Variants in CMYA5 observed in about 807,000 individuals in gnomAD.
CMYA5 encodes the protein cardiomyopathy-associated protein 5.
A neutral mutation model predicts 318.9 loss-of-function variants in CMYA5; 246 were observed. The observed-to-expected ratio is 0.77, with a 90% CI of 0.70 to 0.86. The LOEUF is 0.86. Ranked by LOEUF, CMYA5 falls within the 40% of genes least tolerant of loss-of-function variation. The probability of loss-of-function intolerance (pLI) is 0.00; values close to 1 mark genes in which losing one functional copy is unlikely to be tolerated. For synonymous variants in CMYA5, 1,641 were observed against 1,729.5 expected (o/e 0.95, Z 1.27); for missense variants, 4,589 against 4,678.2 (o/e 0.98, Z 0.56).
In CMYA5 at chr5:79,739,274, G is replaced by A. The variant is rs529970250; in HGVS notation, c.10509G>A (p.Glu3503=). 7 of 1,610,506 alleles carry A rather than the reference G, an allele frequency of 4.3e-6. No individual in the cohort carries two copies. The highest frequency in any genetic ancestry group is 3.3e-4 in the Middle Eastern group (2 of 6,078). The change falls in exon 2 of 13, where the codon GAG becomes GAA. Residue 3503 remains glutamate (E), a synonymous_variant. Coordinates refer to ENST00000446378, the MANE Select transcript of CMYA5 (RefSeq NM_153610.5). ...TAGTAACTGAAAAGGCACAAAAAGAGCTGAAAAAGTCCCAGATTGACACAT... is the reference window on the plus strand; with the variant it reads ...TAGTAACTGAAAAGGCACAAAAAGAACTGAAAAAGTCCCAGATTGACACAT... ...SEVVTEKAQK[E]LKKSQIDTYC...
rs1828135705 is a variant in CMYA5 at position 79,738,457 on chromosome 5, A to T, written c.9692A>T (p.Asp3231Val). 1 of 1,613,770 alleles carries T rather than the reference A, an allele frequency of 6.2e-7. No homozygotes were observed. Among genetic ancestry groups the T allele is most frequent in the Non-Finnish European group, 8.5e-7 (1 of 1,179,854 alleles). Reference sequence around the variant, plus strand: ...TTTCCCAGCAGAAATTCTGACACTGATGATGGAACAGGAATATATTTTGAG... The same window carrying T: ...TTTCCCAGCAGAAATTCTGACACTGTTGATGGAACAGGAATATATTTTGAG... ...ASFPSRNSDT[D>V]DGTGIYFEKY... The change falls in exon 2 of 13, where the codon GAT becomes GTT. Residue 3231 changes from aspartate (D) to valine (V), a missense_variant. Physicochemically the swap from Asp to Val is radical, Grantham distance 152 (BLOSUM62 -3). Transcript: ENST00000446378.
chr5:79,789,157 C>A, intron 10 of CMYA5, 53 bp downstream of exon 10: 2 of 1,603,312 alleles, frequency 1.2e-6, no homozygotes, highest in Non-Finnish European at 1.7e-6. Context: ...TCTTCCCTTC[C>A]ACCCCTCAGA....
At chr5:79,722,068 A>G (rs537966521) in intron 1 of CMYA5, among the ~76,000 whole-genome samples, 2 of 152,362 alleles carry the variant, frequency 1.3e-5, no homozygotes, top group East Asian at 3.9e-4. Context: ...CCATATAGCC[A>G]TGAAGTTTCA....
At chr5:79,709,446 A>G (rs1471857270) in intron 1 of CMYA5, among the ~76,000 whole-genome samples, 1 of 152,120 alleles carries the variant, frequency 6.6e-6, no homozygotes, top group African/African-American at 2.4e-5. Context: ...AAGTTGTGGA[A>G]CTGCAGTGAT....
chr5:79,712,674 T>A, intron 1 of CMYA5, among the ~76,000 whole-genome samples: 1 of 152,328 alleles, frequency 6.6e-6, no homozygotes, highest in South Asian at 2.1e-4. Flanking sequence ...AAGGGCTCTT[T>A]CTCTGTTGCA....
Position 79,735,602 on chromosome 5 carries a change from A to C in CMYA5, c.6837A>C (p.Lys2279Asn), listed in dbSNP as rs1828042001. The change falls in exon 2 of 13, where the codon AAA becomes AAC. Residue 2279 changes from lysine to asparagine, a missense_variant. By Grantham distance (94) the Lys-to-Asn change is moderately conservative. This residue lies in a region of CMYA5 where 2,431 missense variants were observed against 2,495.1 expected (regional missense o/e 0.97). Coordinates refer to ENST00000446378, the MANE Select transcript of CMYA5 (RefSeq NM_153610.5). Reference protein sequence around the residue: ...LSNVEDLQQPKFISEVSREDY... With the variant: ...LSNVEDLQQPNFISEVSREDY... Reference sequence around the variant, plus strand: ...ATGTAGAAGATTTACAACAGCCAAAATTCATTTCTGAGGTGTCTAGGGAAG... The same window carrying C: ...ATGTAGAAGATTTACAACAGCCAAACTTCATTTCTGAGGTGTCTAGGGAAG... The C allele has an allele frequency of 6.2e-7, 1 of 1,613,470 alleles. No individual in the cohort carries two copies. Among genetic ancestry groups the C allele is most frequent in the African/African-American group, 1.3e-5 (1 of 74,868 alleles).
rs200127943 is a variant in CMYA5, at chr5:79,736,517, A to G, written c.7752A>G (p.Gln2584=). 6.2e-6 allele frequency: 10 copies of G among 1,613,354 alleles called. No individual in the cohort carries two copies. The East Asian group carries it at 1.8e-4, about 29-fold the overall frequency. The part of the protein sequence containing the change: ...ISLGHSLGET[Q]SFSLVKATSV... ...TAGGTCATTCTTTGGGTGAAACTCA[A>G]TCATTTTCATTAGTTAAAGCTACAT... is the stretch of plus-strand genomic sequence containing the variant. Residue 2584 remains glutamine, a synonymous_variant, in exon 2 of 13, where the codon CAA becomes CAG. Transcript: ENST00000446378.
rs781673622 is a variant in CMYA5 at position 79,735,757 on chromosome 5, A to G, written c.6992A>G (p.Glu2331Gly). The G allele has an allele frequency of 1.9e-6, 3 of 1,577,680 alleles. No individual in the cohort carries two copies. The highest frequency in any genetic ancestry group is 4.5e-5 in the East Asian group (2 of 44,774). ...SLIGEKLVME[E>G]AKTIVPPHVT... ...ATCGGTGAGAAATTGGTTATGGAAG[A>G]AGCCAAAACTATTGTTCCTCCTCAT... The change falls in exon 2 of 13, where the codon GAA (glutamate) becomes GGA (glycine). Residue 2331 changes from glutamate (E) to glycine (G), a missense_variant. Glu to Gly is a moderately conservative substitution (Grantham distance 98, BLOSUM62 -2). Transcript: ENST00000446378.
chr5:79,769,157 G>A lies in CMYA5; in HGVS notation c.11555+5948G>A, dbSNP rs375575728. On this transcript the variant is annotated intron_variant, in intron 9 of 12. Transcript: ENST00000446378. ...TTTTCAGGTCCATTAGGTCATTTAT[G>A]TTCTTCTCTAAACTGGTTATTCTAG... 7.2e-5 allele frequency among the ~76,000 whole-genome samples: 11 copies of A among 152,026 alleles called. No individual in the cohort carries two copies. In the East Asian group the frequency reaches 7.8e-4, roughly 11 times the overall value.
chr5:79,750,237 G>T (rs145597929), intron 5 of CMYA5, among the ~76,000 whole-genome samples: 12 of 150,744 alleles, frequency 8.0e-5, no homozygotes, highest in African/African-American at 2.9e-4. Flanking sequence ...GTGAAGAGAT[G>T]ATGTAAACTT....
chr5:79,711,126 GT>G (rs1255522005), intron 1 of CMYA5, among the ~76,000 whole-genome samples: 3 of 151,928 alleles, frequency 2.0e-5, no homozygotes, highest in African/African-American at 4.8e-5. Flanking sequence ...TAATCTCTTT[GT>G]TTTTTCCCCC....
At chr5:79,789,148 C>G in intron 10 of CMYA5, 44 bp downstream of exon 10, 1 of 1,608,678 alleles carries the variant, frequency 6.2e-7, no homozygotes, top group Non-Finnish European at 8.5e-7. Context: ...CAAGCTATTT[C>G]TTCCCTTCCA....
intron 1 of CMYA5, among the ~76,000 whole-genome samples, chr5:79,713,435 A>G (rs193091439): frequency 2.0e-5 from 3 of 152,094 alleles, no homozygotes; most frequent in Non-Finnish European, 4.4e-5. Flanking sequence ...TCACTAAGCT[A>G]TGTAACAATG....
chr5:79,736,046 C>T lies in CMYA5; in HGVS notation c.7281C>T (p.Asp2427=). Residue 2427 remains aspartate (D), a synonymous_variant, in exon 2 of 13, where the codon GAC becomes GAT. Coordinates refer to ENST00000446378, the MANE Select transcript of CMYA5 (RefSeq NM_153610.5). ...SKGSLIDFSE[D]RLKKEMQNPT... is the part of the protein sequence containing the mutation. ...GCAGTTTAATTGATTTCAGTGAAGA[C>T]AGACTCAAGAAAGAAATGCAAAATC... is the stretch of plus-strand genomic sequence containing the variant. 1 of 1,612,416 alleles carries T rather than the reference C, an allele frequency of 6.2e-7. No individual in the cohort carries two copies. The highest frequency in any genetic ancestry group is 8.5e-7 in the Non-Finnish European group (1 of 1,179,512).
In CMYA5 at chr5:79,736,303, T is replaced by C. The variant is rs577299570; in HGVS notation, c.7538T>C (p.Met2513Thr). The C allele has an allele frequency of 1.2e-6, 2 of 1,613,584 alleles. No homozygotes were observed. The highest frequency in any genetic ancestry group is 2.7e-5 in the African/African-American group (2 of 75,004). The change falls in exon 2 of 13, where the codon ATG becomes ACG. Residue 2513 changes from methionine to threonine, a missense_variant. Around this residue, in one of 3 missense-constraint regions of CMYA5, gnomAD observed 2,431 missense variants for 2,495.1 expected, o/e 0.97. Transcript: ENST00000446378. ...CTGAAAGAATCAAAAGCCGATGCTA[T>C]GCCACAGCACTTCTATCAAAATGAA... is the stretch of plus-strand genomic sequence containing the variant. ...TELKESKADA[M>T]PQHFYQNEDY... is the part of the protein sequence containing the mutation.
At position 79,732,024 on chromosome 5, in the gene CMYA5, T is replaced by A; in HGVS notation, c.3259T>A (p.Ser1087Thr). The A allele has an allele frequency of 6.2e-7, 1 of 1,613,936 alleles. No individual in the cohort carries two copies. The highest frequency in any genetic ancestry group is 1.1e-5 in the South Asian group (1 of 91,078). Residue 1087 changes from serine (S) to threonine (T), a missense_variant, in exon 2 of 13, where the codon TCA becomes ACA. Ser to Thr is a moderately conservative substitution (Grantham distance 58, BLOSUM62 1). This residue lies in a region of CMYA5 where 2,132 missense variants were observed against 2,131.3 expected (regional missense o/e 1.00). Coordinates refer to ENST00000446378, the MANE Select transcript of CMYA5 (RefSeq NM_153610.5). ...AAGTCTGCCGCCTTCAACAGATAAATCAGAGAAAGCAGAAATTAAGCCAGA... is the reference window on the plus strand; with the variant it reads ...AAGTCTGCCGCCTTCAACAGATAAAACAGAGAAAGCAGAAATTAAGCCAGA... ...DLSLPPSTDKSEKAEIKPEIP... is the reference protein window; with the variant it reads ...DLSLPPSTDKTEKAEIKPEIP...
rs1237749948 is a variant in CMYA5 at position 79,713,557 on chromosome 5, A to T, written c.150-15358A>T. 7.2e-5 allele frequency among the ~76,000 whole-genome samples: 11 copies of T among 152,218 alleles called. No homozygotes were observed. In the South Asian group the frequency reaches 1.5e-3, roughly 20 times the overall value. ...GTTGAGTTTTATGCTTTTCGCTGGC[A>T]GACTCGGATGTGTGCTTGCAGTTTA... On this transcript the variant is annotated intron_variant, in intron 1 of 12. Transcript: ENST00000446378.
intron 6 of CMYA5, among the ~76,000 whole-genome samples, chr5:79,754,784 A>G (rs947921474): frequency 1.3e-5 from 2 of 152,184 alleles, no homozygotes; most frequent in African/African-American, 4.8e-5. Flanking sequence ...AGAACTCTTC[A>G]TCTTGCAAAA....
chr5:79,723,323 C>T (rs560137636), intron 1 of CMYA5, among the ~76,000 whole-genome samples: 1 of 151,924 alleles, frequency 6.6e-6, no homozygotes, highest in East Asian at 1.9e-4. Context: ...CCTGTAATCC[C>T]AGCTACTCGG....
Sources: gnomAD v4.1 joint callset for allele counts (sites outside exome capture counted in the v4.1 genomes callset) on GRCh38, gnomAD v4.1.1 for gene constraint, gnomAD v4.1.1 regional missense constraint, MANE v1.5 for transcripts, NCBI Gene and HGNC (gene_info 2026-07-23, HGNC 2026-07-21) for gene names.